NAA50: variants seen among roughly 807,000 people sequenced by gnomAD.
NAA50 encodes N-alpha-acetyltransferase 50, NatE catalytic subunit.
In NAA50, 7 loss-of-function variants were observed where a neutral mutation model predicts 20.7. That is an observed-to-expected ratio of 0.34 (90% CI 0.19 to 0.63). The LOEUF (loss-of-function observed/expected upper bound fraction) is 0.63. Among genes scored for constraint, NAA50 ranks in the 30% least tolerant of loss-of-function variants. The probability of loss-of-function intolerance (pLI) is 0.75; values close to 1 mark genes in which losing one functional copy is unlikely to be tolerated. For synonymous variants in NAA50, 54 were observed against 70.6 expected, an observed-to-expected ratio of 0.77 and a Z score of 1.18; for missense variants, 111 against 199.1, an observed-to-expected ratio of 0.56 and a Z score of 2.66.
intron 1 of NAA50, chr3:113,724,698 T>C (rs981648031): frequency 3.3e-5 from 5 of 152,152 alleles, no homozygotes; most frequent in Non-Finnish European, 5.9e-5. Context: ...AGGAGTGATA[T>C]GGTTTGGCTG....
intron 1 of NAA50, among the ~76,000 whole-genome samples, chr3:113,745,095 G>C (rs1457886315): frequency 6.6e-6 from 1 of 152,144 alleles, no homozygotes. Flanking sequence ...AAAATGTTAC[G>C]TAATTAATAC....
intron 1 of NAA50, 112 bp downstream of exon 1, chr3:113,745,830 C>A (rs991728483): frequency 1.6e-6 from 2 of 1,276,814 alleles, no homozygotes; most frequent in Non-Finnish European, 2.1e-6. Flanking sequence ...AGAAATCTCC[C>A]TCCGCCCGTC....
At position 113,742,049 on chromosome 3, in the gene NAA50, G is replaced by C. The variant is rs145403434; in HGVS notation, c.8+3893C>G. ...TTTTTAAAAAAACTTATGGTGTAAG[G>C]TTATATTTTATATGAATTCATCTCA... On this transcript the variant is annotated intron_variant, in intron 1 of 4. Transcript: ENST00000240922. Among the ~76,000 whole-genome samples the C allele has an allele frequency of 1.6e-3, 248 of 152,084 alleles. 1 individual carries two copies. Among genetic ancestry groups the C allele is most frequent in the South Asian group, 2.5e-3 (12 of 4,826 alleles).
At chr3:113,736,676 A>G (rs762045766) in intron 1 of NAA50, among the ~76,000 whole-genome samples, 2 of 152,164 alleles carry the variant, frequency 1.3e-5, no homozygotes, top group Non-Finnish European at 1.5e-5. Context: ...ATGACTCCAC[A>G]AAAGTGGGTC....
Position 113,719,589 on chromosome 3 carries a change from T to C in NAA50, c.*2171A>G, listed in dbSNP as rs940827989. ...TTAACTAAGTTTGATGTAGGACAATTAACCCTTTACAAACATTTACAATTC... is the reference window on the plus strand; with the variant it reads ...TTAACTAAGTTTGATGTAGGACAATCAACCCTTTACAAACATTTACAATTC... On this transcript the variant is annotated 3_prime_UTR_variant, in exon 5 of 5. Coordinates refer to ENST00000240922, the MANE Select transcript of NAA50 (RefSeq NM_025146.4). 4 of 152,632 alleles carry C rather than the reference T, an allele frequency of 2.6e-5. No individual in the cohort carries two copies. The highest frequency in any genetic ancestry group is 2.6e-4 in the Admixed American group (4 of 15,298). The allele number at this position is 152,632 out of a possible 1,614,324, so 9.5% of individuals were successfully genotyped here.
At chr3:113,736,591 C>G (rs1020811709) in intron 1 of NAA50, among the ~76,000 whole-genome samples, 10 of 152,172 alleles carry the variant, frequency 6.6e-5, no homozygotes, top group Non-Finnish European at 8.8e-5. Flanking sequence ...TTTAGCTATT[C>G]AACCCATTGC....
chr3:113,717,651 G>A lies in NAA50; in HGVS notation c.*4109C>T, dbSNP rs1330167802. ...CTATAGGCTTACTGTTCCTATTTGT[G>A]ACTGTAGTATCCAATTTCCCAGAAA... On this transcript the variant is annotated 3_prime_UTR_variant, in exon 5 of 5. Transcript: ENST00000240922. 6.6e-6 allele frequency: 1 copy of A among 152,116 alleles called. No homozygotes were observed. Among genetic ancestry groups the A allele is most frequent in the Admixed American group, 6.5e-5 (1 of 15,280 alleles). The allele number at this position is 152,116 out of a possible 1,614,324, so 9.4% of individuals were successfully genotyped here.
intron 4 of NAA50, among the ~76,000 whole-genome samples, chr3:113,722,211 T>G (rs1007158319): frequency 6.6e-6 from 1 of 152,120 alleles, no homozygotes; most frequent in African/African-American, 2.4e-5. Flanking sequence ...TCAAAATTTT[T>G]TCACTGTAAG....
chr3:113,737,432 A>G (rs141826344), intron 1 of NAA50, among the ~76,000 whole-genome samples: 1 of 152,234 alleles, frequency 6.6e-6, no homozygotes, highest in Admixed American at 6.5e-5. Context: ...AGAATTTATC[A>G]CACAGTTTCA....
At chr3:113,738,062 TG>T (rs1225433850) in intron 1 of NAA50, among the ~76,000 whole-genome samples, 1 of 151,980 alleles carries the variant, frequency 6.6e-6, no homozygotes, top group East Asian at 1.9e-4. Context: ...AAAGCGAAGG[TG>T]GGGTGGATCA....
intron 1 of NAA50, among the ~76,000 whole-genome samples, chr3:113,726,318 GTA>G (rs1708199260): frequency 1.3e-5 from 2 of 152,162 alleles, no homozygotes; most frequent in South Asian, 4.2e-4. Flanking sequence ...AGTCACTTAA[GTA>G]TAGTCTTTTC....
At chr3:113,745,849 G>C in intron 1 of NAA50, 93 bp downstream of exon 1, 4 of 1,422,398 alleles carry the variant, frequency 2.8e-6, no homozygotes, top group Middle Eastern at 1.8e-4. Flanking sequence ...TCTTCGCCCT[G>C]AATCTCTCCT....
At position 113,716,994 on chromosome 3, in the gene NAA50, T is replaced by C. The variant is rs1708058704; in HGVS notation, c.*4766A>G. 1 of 152,236 alleles carries C rather than the reference T, an allele frequency of 6.6e-6. No individual in the cohort carries two copies. The highest frequency in any genetic ancestry group is 6.5e-5 in the Admixed American group (1 of 15,286). The allele number at this position is 152,236 out of a possible 1,614,324, so 9.4% of individuals were successfully genotyped here. A position where few individuals can be genotyped will look rare whatever the true frequency, so the allele number is the denominator to read the frequency against. On this transcript the variant is annotated 3_prime_UTR_variant, in exon 5 of 5. Transcript: ENST00000240922. Reference sequence around the variant, plus strand: ...AGATCTTGCTGCTATTTTTTTCTTATTCTAGAAGCTACTGAGCAAGGAAAA... The same window carrying C: ...AGATCTTGCTGCTATTTTTTTCTTACTCTAGAAGCTACTGAGCAAGGAAAA...
chr3:113,723,565 T>A (rs777749251), intron 2 of NAA50, 24 bp from the exon 3 acceptor site: 1 of 1,592,442 alleles, frequency 6.3e-7, no homozygotes, highest in East Asian at 2.2e-5. Flanking sequence ...CATAAAGATA[T>A]AATGTTGAAC....
At chr3:113,741,988 A>G (rs1360581438) in intron 1 of NAA50, among the ~76,000 whole-genome samples, 1 of 152,002 alleles carries the variant, frequency 6.6e-6, no homozygotes, top group Non-Finnish European at 1.5e-5. Flanking sequence ...CTTCCCTTTT[A>G]TTTTTCTTTT....
chr3:113,723,595 ATC>A, intron 2 of NAA50, 54 bp from the exon 3 acceptor site: 4 of 1,531,274 alleles, frequency 2.6e-6, no homozygotes, highest in Non-Finnish European at 3.5e-6. Flanking sequence ...AACACATTTA[ATC>A]TTTTTCCCTT....
intron 4 of NAA50, among the ~76,000 whole-genome samples, chr3:113,722,692 T>A (rs1354346254): frequency 6.6e-6 from 1 of 152,160 alleles, no homozygotes; most frequent in Admixed American, 6.6e-5. Context: ...CATCCTAATA[T>A]AATAAAGCAA....
chr3:113,727,647 G>T (rs1215601383), intron 1 of NAA50, among the ~76,000 whole-genome samples: 3 of 149,282 alleles, frequency 2.0e-5, no homozygotes, highest in African/African-American at 4.9e-5. Flanking sequence ...TTTTTTTAAA[G>T]CACACCATAG....
intron 1 of NAA50, among the ~76,000 whole-genome samples, chr3:113,731,281 T>C (rs1481893828): frequency 6.6e-6 from 1 of 152,196 alleles, no homozygotes; most frequent in East Asian, 1.9e-4. Flanking sequence ...CTTTTTTCAT[T>C]TTCTTATTGT....
Sources: gnomAD v4.1 joint callset for allele counts (sites outside exome capture counted in the v4.1 genomes callset) on GRCh38, gnomAD v4.1.1 for gene constraint, MANE v1.5 for transcripts, NCBI Gene and HGNC (gene_info 2026-07-23, HGNC 2026-07-21) for gene names.